The following CACNA1B variants were observed in gnomAD, a reference collection of about 807,000 sequenced individuals.
CACNA1B encodes calcium voltage-gated channel subunit alpha1 B.
A neutral mutation model predicts 247.2 loss-of-function variants in CACNA1B; 70 were observed. The observed-to-expected ratio is 0.28, with a 90% confidence interval of 0.23 to 0.35. The LOEUF is 0.35. Among genes scored for constraint, CACNA1B ranks in the 10% least tolerant of loss-of-function variants. The pLI is 1.00. For synonymous variants in CACNA1B, 1,231 were observed against 1,294.4 expected (o/e 0.95, Z 1.05); for missense variants, 2,367 against 3,197.4 (o/e 0.74, Z 6.26).
rs769054297 is a variant in CACNA1B at position 138,120,768 on chromosome 9, C to T, written c.6376C>T (p.Arg2126Cys). ...QPSSSSSEKQRFYSCDRFGGR... is the reference protein window; with the variant it reads ...QPSSSSSEKQCFYSCDRFGGR... ...CTCATCCTCCTCCTCGGAGAAGCAG[C>T]GCTTCTACTCCTGCGACCGCTTTGG... The change falls in exon 46 of 47, where the codon CGC becomes TGC. Residue 2126 changes from arginine to cysteine, a missense_variant. By Grantham distance (180) the Arg-to-Cys change is radical (BLOSUM62 -3). Transcript: ENST00000371372. 5.8e-6 allele frequency: 9 copies of T among 1,551,182 alleles called. No homozygotes were observed. The highest frequency in any genetic ancestry group is 7.0e-6 in the Non-Finnish European group (8 of 1,148,032).
Position 138,033,691 on chromosome 9 carries a change from C to T in CACNA1B, c.3286+8519C>T, listed in dbSNP as rs187303949. Among the ~76,000 whole-genome samples the T allele has an allele frequency of 3.0e-4, 46 of 152,158 alleles. 1 individual carries two copies. The highest frequency in any genetic ancestry group is 5.0e-4 in the Non-Finnish European group (34 of 68,010). The stretch of plus-strand genomic sequence containing the variant: ...GGCCTCAGGAAACTTAAAATCATGG[C>T]GGTAGGCAAAGGAGAAGCAGGCACC... On this transcript the variant is annotated intron_variant, in intron 20 of 46. Coordinates refer to ENST00000371372, the MANE Select transcript of CACNA1B (RefSeq NM_000718.4).
At chr9:138,002,386 T>A (rs779953374) in intron 15 of CACNA1B, among the ~76,000 whole-genome samples, 6 of 152,020 alleles carry the variant, frequency 3.9e-5, no homozygotes, top group Non-Finnish European at 5.9e-5. Flanking sequence ...ATGTAAAAAA[T>A]CAAACTTGAA....
intron 6 of CACNA1B, among the ~76,000 whole-genome samples, chr9:137,933,478 C>A (rs1935193547): frequency 6.6e-6 from 1 of 152,206 alleles, no homozygotes. Flanking sequence ...TGAGGGGATG[C>A]AACTCCAGAA....
rs537927092 is a variant in CACNA1B at position 138,059,606 on chromosome 9, C to A, written c.4585-48C>A. 3.0e-5 allele frequency: 32 copies of A among 1,084,190 alleles called. No homozygotes were observed. In the Admixed American group the frequency reaches 3.4e-4, roughly 11 times the overall value. 67.2% of individuals were successfully genotyped at this position (1,084,190 alleles called of 1,614,324 possible). A position where few individuals can be genotyped will look rare whatever the true frequency, so the allele number is the denominator to read the frequency against. ...CCACCTATATATACCTCTTTGCCAA[C>A]AGAGCCCTCATCAGCCGCTGGCACT... On this transcript the variant is annotated intron_variant, in intron 30 of 46. Transcript: ENST00000371372. This position sits in a 1 kb window ranked among gnomAD's most constrained non-coding sequence, Gnocchi z 4.2.
chr9:138,053,770 T>G, intron 25 of CACNA1B, 76 bp from the exon 26 acceptor site: 41 of 526,326 alleles, frequency 7.8e-5, no homozygotes, highest in Non-Finnish European at 1.1e-4. Context: ...CCCGTGACCC[T>G]ACCCTTCCCC....
intron 5 of CACNA1B, among the ~76,000 whole-genome samples, chr9:137,916,031 T>C (rs1957406541): frequency 2.6e-5 from 2 of 77,612 alleles, no homozygotes; most frequent in South Asian, 1.0e-3. Context: ...TGTTATACAA[T>C]TTTTTTTTTT....
At chr9:137,929,195 T>C (rs1347653412) in intron 6 of CACNA1B, among the ~76,000 whole-genome samples, 1 of 152,204 alleles carries the variant, frequency 6.6e-6, no homozygotes, top group African/African-American at 2.4e-5. Flanking sequence ...TTTATATTTA[T>C]ACCAGCAGTG....
At chr9:137,989,940 T>C (rs1217320867) in intron 15 of CACNA1B, among the ~76,000 whole-genome samples, 1 of 152,188 alleles carries the variant, frequency 6.6e-6, no homozygotes, top group African/African-American at 2.4e-5. Flanking sequence ...AGATGGCAGA[T>C]AGGAGGAAGG....
At chr9:137,910,860 C>T (rs778598233) in intron 3 of CACNA1B, among the ~76,000 whole-genome samples, 8 of 152,190 alleles carry the variant, frequency 5.3e-5, no homozygotes, top group Non-Finnish European at 8.8e-5. Context: ...GACCCTTGCT[C>T]TGATGCACGG....
intron 3 of CACNA1B, among the ~76,000 whole-genome samples, chr9:137,902,283 T>C (rs1957248727): frequency 6.6e-6 from 1 of 152,204 alleles, no homozygotes; most frequent in African/African-American, 2.4e-5. Context: ...AGGAAAACAC[T>C]GCTTCCTCCT....
At chr9:137,878,479 G>C (rs1564867619) in intron 1 of CACNA1B, among the ~76,000 whole-genome samples, 1 of 152,174 alleles carries the variant, frequency 6.6e-6, no homozygotes, top group African/African-American at 2.4e-5. Context: ...TCGGTGCACA[G>C]TGCGCGGCTA....
chr9:137,894,005 T>C (rs969768898), intron 3 of CACNA1B, among the ~76,000 whole-genome samples: 3 of 152,254 alleles, frequency 2.0e-5, no homozygotes, highest in Admixed American at 6.5e-5. Context: ...TGATCTTAGA[T>C]AAATGAAGTC....
At chr9:138,068,104 G>A (rs1169683675) in intron 31 of CACNA1B, among the ~76,000 whole-genome samples, 1 of 152,152 alleles carries the variant, frequency 6.6e-6, no homozygotes, top group South Asian at 2.1e-4. Flanking sequence ...ATAGGTGTGC[G>A]CAAGTCAAAG....
At chr9:137,939,842 A>C (rs1957711231) in intron 6 of CACNA1B, among the ~76,000 whole-genome samples, 1 of 138,140 alleles carries the variant, frequency 7.2e-6, no homozygotes, top group African/African-American at 3.1e-5. Flanking sequence ...AAATAAATAA[A>C]TAAATAAAAA....
intron 15 of CACNA1B, among the ~76,000 whole-genome samples, chr9:137,989,367 G>T (rs963344907): frequency 5.8e-4 from 88 of 152,300 alleles, no homozygotes; most frequent in African/African-American, 1.9e-3. Context: ...GGGCATGGAG[G>T]CTTCCTGGAG....
chr9:138,063,825 C>T (rs756965422), intron 31 of CACNA1B, among the ~76,000 whole-genome samples: 1 of 152,222 alleles, frequency 6.6e-6, no homozygotes, highest in Admixed American at 6.5e-5. Context: ...AGACCAACCA[C>T]CCCTTTATCT....
Position 138,011,779 on chromosome 9 carries a change from G to T in CACNA1B, c.2161-1350G>T, listed in dbSNP as rs1439660000. 6.6e-6 allele frequency among the ~76,000 whole-genome samples: 1 copy of T among 152,138 alleles called. No homozygotes were observed. Among genetic ancestry groups the T allele is most frequent in the Admixed American group, 6.6e-5 (1 of 15,266 alleles). The stretch of plus-strand genomic sequence containing the variant: ...CTCCTCTGTGGAGGGAAATTCGCAG[G>T]CAGCTAACAAGGGACTTAGTTTCTG... On this transcript the variant is annotated intron_variant, in intron 17 of 46. Coordinates refer to ENST00000371372, the MANE Select transcript of CACNA1B (RefSeq NM_000718.4). This position sits in a 1 kb window ranked among gnomAD's most constrained non-coding sequence, Gnocchi z 4.2.
chr9:137,923,460 G>T (rs1430968367), intron 6 of CACNA1B, among the ~76,000 whole-genome samples: 2 of 150,588 alleles, frequency 1.3e-5, no homozygotes, highest in East Asian at 4.0e-4. Context: ...GTATTCCGTG[G>T]TGCCAGGTAG....
At chr9:138,030,773 T>C (rs889236961) in intron 20 of CACNA1B, among the ~76,000 whole-genome samples, 1 of 152,346 alleles carries the variant, frequency 6.6e-6, no homozygotes, top group Non-Finnish European at 1.5e-5. Flanking sequence ...TATTTCATAT[T>C]GGATGAGTTG....
Sources: allele counts gnomAD v4.1 joint callset (sites outside exome capture counted in the v4.1 genomes callset), GRCh38; gene constraint gnomAD v4.1.1; non-coding constraint Gnocchi (gnomAD v3.1); transcripts MANE v1.5; gene names NCBI Gene and HGNC (gene_info 2026-07-23, HGNC 2026-07-21).